Variants in TM4SF19 observed in about 807,000 individuals in gnomAD.
TM4SF19 encodes transmembrane 4 L six family member 19, also known as transmembrane 4 L6 family member 19.
TM4SF19 carries 17 observed loss-of-function variants against 21.8 expected under a neutral mutation model. The observed-to-expected ratio is 0.78, with a 90% confidence interval of 0.53 to 1.17. The LOEUF (loss-of-function observed/expected upper bound fraction) is 1.17. Ranked by LOEUF, TM4SF19 falls within the 50% of genes most tolerant of loss-of-function variation. TM4SF19 has a pLI of 0.00. For synonymous variants in TM4SF19, 107 were observed against 106.7 expected (o/e 1.00, Z -0.02); for missense variants, 216 against 252.1 (o/e 0.86, Z 0.97).
At chr3:196,336,066 C>A (rs1727745242) in intron 1 of TM4SF19, among the ~76,000 whole-genome samples, 1 of 152,146 alleles carries the variant, frequency 6.6e-6, no homozygotes. Context: ...AACATCAACC[C>A]CCCTGACGAT....
At position 196,329,345 on chromosome 3, in the gene TM4SF19, C is replaced by T. The variant is rs1727424941; in HGVS notation, c.-1-1754G>A. Among the ~76,000 whole-genome samples the T allele has an allele frequency of 1.6e-5, 2 of 127,070 alleles. 1 individual carries two copies. The highest frequency in any genetic ancestry group is 5.2e-4 in the South Asian group (2 of 3,838). The allele number at this position is 127,070 out of a possible 152,430, so 83.4% of individuals were successfully genotyped here. On this transcript the variant is annotated intron_variant, in intron 1 of 4. Coordinates refer to ENST00000273695, the MANE Select transcript of TM4SF19 (RefSeq NM_138461.4). ...CAAAACAAAACTGCCTTCACTATTA[C>T]TTCACAACATATTCAAAAATTCACT...
rs367817072 is a variant in TM4SF19 at position 196,324,602 on chromosome 3, TGGG to T, written c.280-165_280-163del. ...GTCTCAGTGTTCTTCCGTCCTGTCA[TGGG>T]GGAGAATTCTGTCCATGGCACCCCC... On this transcript the variant is annotated intron_variant, in intron 3 of 4. Coordinates refer to ENST00000273695, the MANE Select transcript of TM4SF19 (RefSeq NM_138461.4). 3 of 675,570 alleles carry T rather than the reference TGGG, an allele frequency of 4.4e-6. No individual in the cohort carries two copies. In the African/African-American group the frequency reaches 5.4e-5, roughly 12 times the overall value. The allele number at this position is 675,570 out of a possible 1,614,324, so 41.8% of individuals were successfully genotyped here.
At chr3:196,329,159 G>C (rs1312614290) in intron 1 of TM4SF19, among the ~76,000 whole-genome samples, 1 of 125,832 alleles carries the variant, frequency 7.9e-6, no homozygotes, top group Non-Finnish European at 1.7e-5. Context: ...AGCCAGGACG[G>C]TCTTGATCTC....
At chr3:196,330,100 G>A (rs572759509) in intron 1 of TM4SF19, among the ~76,000 whole-genome samples, 36 of 151,942 alleles carry the variant, frequency 2.4e-4, no homozygotes, top group Non-Finnish European at 5.0e-4. Flanking sequence ...TTGAACTCCT[G>A]ACCTCAGGTG....
chr3:196,337,978 C>T (rs1001557913), intron 1 of TM4SF19, among the ~76,000 whole-genome samples: 3 of 152,064 alleles, frequency 2.0e-5, no homozygotes, highest in African/African-American at 7.2e-5. Flanking sequence ...CATGGAAGCA[C>T]ATGGAGGAAC....
chr3:196,337,978 C>A (rs1001557913), intron 1 of TM4SF19, among the ~76,000 whole-genome samples: 5 of 152,064 alleles, frequency 3.3e-5, no homozygotes, highest in Admixed American at 6.6e-5. Context: ...CATGGAAGCA[C>A]ATGGAGGAAC....
At chr3:196,324,660 G>A (rs995395475) in intron 3 of TM4SF19, 46 of 550,968 alleles carry the variant, frequency 8.3e-5, no homozygotes, top group Middle Eastern at 4.9e-4. Context: ...TGGGGAGGCC[G>A]TGAGGGGTTT....
intron 1 of TM4SF19, among the ~76,000 whole-genome samples, chr3:196,330,507 A>C (rs985838829): frequency 1.3e-5 from 2 of 152,242 alleles, no homozygotes; most frequent in Non-Finnish European, 2.9e-5. Context: ...TGTGTTATCC[A>C]TACAAATGAG....
intron 1 of TM4SF19, among the ~76,000 whole-genome samples, chr3:196,334,296 C>T (rs751301205): frequency 6.6e-5 from 10 of 152,044 alleles, no homozygotes; most frequent in East Asian, 1.9e-4. Flanking sequence ...AACAGTTTTA[C>T]GACTTAGGAA....
At position 196,333,463 on chromosome 3, in the gene TM4SF19, T is replaced by C. The variant is rs558630589; in HGVS notation, c.-2+4801A>G. On this transcript the variant is annotated intron_variant, in intron 1 of 4. Coordinates refer to ENST00000273695, the MANE Select transcript of TM4SF19 (RefSeq NM_138461.4). ...AGTTATGTGAATGTGGTCTTTCTCA[T>C]TGAAAATATTTTATGTAAGTTTTTT... is the stretch of plus-strand genomic sequence containing the variant. 2.9e-4 allele frequency among the ~76,000 whole-genome samples: 44 copies of C among 152,356 alleles called. 1 individual carries two copies. The highest frequency in any genetic ancestry group is 1.6e-3 in the Admixed American group (24 of 15,296).
At chr3:196,324,068 A>C in intron 4 of TM4SF19, 71 bp from the exon 5 acceptor site, 1 of 1,554,902 alleles carries the variant, frequency 6.4e-7, no homozygotes, top group Non-Finnish European at 8.8e-7. Context: ...ACCCCAGTAG[A>C]AAACTGGGGT....
chr3:196,324,170 G>C (rs2108804372), intron 4 of TM4SF19, 101 bp downstream of exon 4: 2 of 1,480,118 alleles, frequency 1.4e-6, no homozygotes, highest in Non-Finnish European at 1.9e-6. Flanking sequence ...CAAGATGCTA[G>C]GATGTGTGAC....
chr3:196,330,199 A>C (rs1727454125), intron 1 of TM4SF19, among the ~76,000 whole-genome samples: 1 of 151,990 alleles, frequency 6.6e-6, no homozygotes, highest in South Asian at 2.1e-4. Flanking sequence ...GCTGGTCTTC[A>C]ACTCCTGGAC....
chr3:196,332,734 T>C (rs1350867129), intron 1 of TM4SF19, among the ~76,000 whole-genome samples: 6 of 152,012 alleles, frequency 3.9e-5, no homozygotes, highest in Admixed American at 6.6e-5. Context: ...TCTCCACTTA[T>C]GATGGGGTCG....
rs368721054 is a variant in TM4SF19 at position 196,323,912 on chromosome 3, C to G, written c.535G>C (p.Ala179Pro). ...AVVWHVSLFS[A>P]LLCISLLQLL... is the part of the protein sequence containing the mutation. ...TGGAGCAGGCTGATGCACAGAAGGG[C>G]GGAGAAGAGGGACACGTGCCAGACA... Residue 179 changes from alanine to proline, a missense_variant, in exon 5 of 5, where the codon GCC (alanine) becomes CCC (proline). Transcript: ENST00000273695. 1.2e-6 allele frequency: 2 copies of G among 1,613,910 alleles called. No homozygotes were observed. The highest frequency in any genetic ancestry group is 2.7e-5 in the African/African-American group (2 of 74,862).
intron 1 of TM4SF19, among the ~76,000 whole-genome samples, chr3:196,338,037 G>A (rs2108815707): frequency 6.6e-6 from 1 of 152,330 alleles, no homozygotes; most frequent in South Asian, 2.1e-4. Context: ...AGGAAGGGCT[G>A]CCCATGCCCA....
In TM4SF19 at chr3:196,323,854, C is replaced by T. The variant is rs200450880; in HGVS notation, c.593G>A (p.Ser198Asn). 5.6e-6 allele frequency: 9 copies of T among 1,614,168 alleles called. No individual in the cohort carries two copies. The African/African-American group carries it at 9.3e-5, about 17-fold the overall frequency. The change falls in exon 5 of 5, where the codon AGC becomes AAC. Residue 198 changes from serine (S) to asparagine (N), a missense_variant. Ser to Asn is a conservative substitution (Grantham distance 46). Transcript: ENST00000273695. ...LLLVVVHVIN[S>N]LLGLFCSLCE... ...GAGGCTGCAGAAAAGGCCCAGGAGG[C>T]TGTTGATGACATGAACGACCACCAG...
intron 1 of TM4SF19, among the ~76,000 whole-genome samples, chr3:196,336,112 GT>G (rs58756050): frequency 7.3e-5 from 11 of 150,960 alleles, no homozygotes; most frequent in South Asian, 2.1e-4. Flanking sequence ...AGAAAAGTCT[GT>G]TTTTTTTGTT....
rs190191075 is a variant in TM4SF19 at position 196,327,350 on chromosome 3, C to T, written c.201+40G>A. On this transcript the variant is annotated intron_variant, in intron 2 of 4. Coordinates refer to ENST00000273695, the MANE Select transcript of TM4SF19 (RefSeq NM_138461.4). ...CCACCTTCCTGCTCCCCGCCGGGGT[C>T]TCTTTGAGAGTTCACGTTCAGGGAA... The T allele has an allele frequency of 1.1e-4, 180 of 1,594,116 alleles. 3 individuals are homozygous for T. In the South Asian group the frequency reaches 1.8e-3, roughly 16 times the overall value.
Sources: allele counts gnomAD v4.1 joint callset (sites outside exome capture counted in the v4.1 genomes callset), GRCh38; gene constraint gnomAD v4.1.1; transcripts MANE v1.5; gene names NCBI Gene and HGNC (gene_info 2026-07-23, HGNC 2026-07-21).